Variants in LINGO2 observed in about 807,000 individuals in gnomAD.
LINGO2 encodes the protein leucine-rich repeat and immunoglobulin-like domain-containing nogo receptor-interacting protein 2.
A neutral mutation model predicts 30.6 loss-of-function variants in LINGO2; 14 were observed. That is an observed-to-expected ratio of 0.46 (90% confidence interval 0.30 to 0.72). The LOEUF (loss-of-function observed/expected upper bound fraction) is 0.72, where lower values mean the gene tolerates loss of function less well. Among genes scored for constraint, LINGO2 ranks in the 30% least tolerant of loss-of-function variants. LINGO2 has a pLI of 0.07. For missense variants in LINGO2, 729 were observed against 751.7 expected (o/e 0.97, Z 0.35); for synonymous variants, 317 against 288.5 (o/e 1.10, Z -1.00).
intron 2 of LINGO2, among the ~76,000 whole-genome samples, chr9:28,455,899 A>C (rs574831944): frequency 6.6e-6 from 1 of 152,228 alleles, no homozygotes; most frequent in South Asian, 2.1e-4. Flanking sequence ...ATACTCTCTG[A>C]CCATGATGCC....
At chr9:27,972,657 G>A (rs944651) in intron 5 of LINGO2, among the ~76,000 whole-genome samples, 151,242 of 152,298 alleles carry the variant, frequency 0.99, 75,101 homozygotes, top group Middle Eastern at 1. Context: ...TGTCCACGCA[G>A]GTAGAAATTT....
chr9:28,258,451 A>T (rs1822453281), intron 4 of LINGO2, among the ~76,000 whole-genome samples: 1 of 151,970 alleles, frequency 6.6e-6, no homozygotes, highest in South Asian at 2.1e-4. Flanking sequence ...ATATAAACAT[A>T]TAAAAAGATC....
chr9:29,046,019 C>G, the LINGO2 span, among the ~76,000 whole-genome samples: 3 of 152,084 alleles, frequency 2.0e-5, no homozygotes, highest in Non-Finnish European at 2.9e-5. Context: ...TGTTTATCAG[C>G]TAGAGGAGCT....
chr9:28,235,622 C>T (rs921243154), intron 4 of LINGO2, among the ~76,000 whole-genome samples: 4 of 152,070 alleles, frequency 2.6e-5, no homozygotes, highest in African/African-American at 9.7e-5. Flanking sequence ...CAGAATTCTA[C>T]CAGATAAATT....
intron 4 of LINGO2, among the ~76,000 whole-genome samples, chr9:28,230,075 G>A (rs1401584869): frequency 6.6e-6 from 1 of 151,670 alleles, no homozygotes; most frequent in Non-Finnish European, 1.5e-5. Context: ...TTAGATGTGA[G>A]AAAAATTAAA....
chr9:28,489,772 C>T (rs1172620135), intron 1 of LINGO2, among the ~76,000 whole-genome samples: 2 of 151,446 alleles, frequency 1.3e-5, no homozygotes, highest in African/African-American at 2.4e-5. Context: ...GTGGTGCGTG[C>T]CTGTAATCTC....
intron 2 of LINGO2, among the ~76,000 whole-genome samples, chr9:28,373,923 G>A (rs1821009430): frequency 6.6e-6 from 1 of 150,478 alleles, no homozygotes; most frequent in South Asian, 2.1e-4. Context: ...AAAAAGATAT[G>A]GATTCAGACA....
chr9:28,166,145 A>T (rs1399158674), intron 4 of LINGO2, among the ~76,000 whole-genome samples: 1 of 152,224 alleles, frequency 6.6e-6, no homozygotes, highest in Non-Finnish European at 1.5e-5. Context: ...GCAAAACACT[A>T]TGCTAGGTAC....
At chr9:28,332,055 G>C (rs959727856) in intron 3 of LINGO2, among the ~76,000 whole-genome samples, 1 of 151,948 alleles carries the variant, frequency 6.6e-6, no homozygotes, top group African/African-American at 2.4e-5. Flanking sequence ...ATAAACTTAC[G>C]TTAACCTGAT....
At chr9:28,236,142 T>G (rs1564065019) in intron 4 of LINGO2, among the ~76,000 whole-genome samples, 1 of 152,126 alleles carries the variant, frequency 6.6e-6, no homozygotes, top group Non-Finnish European at 1.5e-5. Context: ...AGCTGACGTT[T>G]CAGTGGAAAC....
At chr9:27,993,541 T>A (rs1474863797) in intron 5 of LINGO2, among the ~76,000 whole-genome samples, 1 of 152,066 alleles carries the variant, frequency 6.6e-6, no homozygotes, top group African/African-American at 2.4e-5. Context: ...TGAGACCCTG[T>A]CACATACACA....
chr9:28,335,181 G>C (rs553621871), intron 3 of LINGO2, among the ~76,000 whole-genome samples: 34 of 152,290 alleles, frequency 2.2e-4, no homozygotes, highest in African/African-American at 7.9e-4. Context: ...TTAGGAGGGA[G>C]AGCTGGTGTC....
At chr9:28,397,704 C>G (rs1831551) in intron 2 of LINGO2, among the ~76,000 whole-genome samples, 12 of 151,670 alleles carry the variant, frequency 7.9e-5, no homozygotes, top group African/African-American at 2.9e-4. Context: ...CCCGCCACCA[C>G]GCCCAGCTAA....
chr9:28,215,316 G>T (rs1220693606), intron 4 of LINGO2, among the ~76,000 whole-genome samples: 1 of 151,876 alleles, frequency 6.6e-6, no homozygotes, highest in Non-Finnish European at 1.5e-5. Context: ...AGGGAAAAGT[G>T]CTGGGTAAAG....
intron 4 of LINGO2, among the ~76,000 whole-genome samples, chr9:28,146,709 A>T (rs1827823238): frequency 6.6e-6 from 1 of 152,178 alleles, no homozygotes. Flanking sequence ...TCTCTTGGGC[A>T]TAAGAAAACC....
intron 3 of LINGO2, among the ~76,000 whole-genome samples, chr9:28,350,681 A>G (rs1051570545): frequency 1.3e-5 from 2 of 151,916 alleles, no homozygotes; most frequent in Non-Finnish European, 2.9e-5. Flanking sequence ...TCCACCCCAA[A>G]TCAACAGAAT....
At chr9:28,642,146 G>A in intron 1 of LINGO2, among the ~76,000 whole-genome samples, 1 of 151,246 alleles carries the variant, frequency 6.6e-6, no homozygotes. Context: ...TCAGATATGT[G>A]AACACATATT....
At chr9:28,490,045 G>C (rs1035700258) in intron 1 of LINGO2, among the ~76,000 whole-genome samples, 4 of 151,674 alleles carry the variant, frequency 2.6e-5, no homozygotes, top group Non-Finnish European at 4.4e-5. Context: ...CAAAGAGCAA[G>C]AAAGTGCTAG....
In LINGO2 at chr9:28,143,857, GA is replaced by G. The variant is rs907777426; in HGVS notation, c.-86-131453del. Among the ~76,000 whole-genome samples the G allele has an allele frequency of 7.2e-4, 110 of 151,912 alleles. 1 individual carries two copies. The highest frequency in any genetic ancestry group is 1.3e-3 in the Non-Finnish European group (85 of 67,934). Reference sequence around the variant, plus strand: ...GTCTCAAGAAATATTTTAATCCAGAGAAAAAATTCAGTGAAACAAGAGGTAA... The same window carrying G: ...GTCTCAAGAAATATTTTAATCCAGAGAAAAATTCAGTGAAACAAGAGGTAA... On this transcript the variant is annotated intron_variant, in intron 4 of 5. Transcript: ENST00000379992.
Sources: allele counts gnomAD v4.1 joint callset (sites outside exome capture counted in the v4.1 genomes callset), GRCh38; gene constraint gnomAD v4.1.1; transcripts MANE v1.5; gene names NCBI Gene and HGNC (gene_info 2026-07-23, HGNC 2026-07-21).